The following AGBL4 variants were observed in gnomAD, a reference collection of about 807,000 sequenced individuals.
AGBL4 encodes the protein AGBL carboxypeptidase 4, also known as cytosolic carboxypeptidase 6.
In AGBL4, 58 loss-of-function variants were observed where a neutral mutation model predicts 66.4. The observed-to-expected ratio is 0.87, with a 90% CI of 0.71 to 1.09. The LOEUF is 1.09. AGBL4 is among the 50% of genes least tolerant of loss of function. AGBL4 has a pLI of 0.00. For missense variants in AGBL4, 579 were observed against 631.0 expected (o/e 0.92, Z 0.88); for synonymous variants, 234 against 222.9 (o/e 1.05, Z -0.44).
intron 3 of AGBL4, among the ~76,000 whole-genome samples, chr1:49,649,615 G>C (rs1018133306): frequency 1.8e-4 from 28 of 152,090 alleles, no homozygotes; most frequent in African/African-American, 6.7e-4. Flanking sequence ...CAATATAATG[G>C]ACCATAAATC....
At chr1:49,771,803 G>C (rs1237248245) in intron 2 of AGBL4, among the ~76,000 whole-genome samples, 4 of 151,644 alleles carry the variant, frequency 2.6e-5, no homozygotes, top group Non-Finnish European at 5.9e-5. Flanking sequence ...TATAAGTATG[G>C]CTACTCTTGC....
intron 6 of AGBL4, among the ~76,000 whole-genome samples, chr1:48,807,301 T>C (rs749484183): frequency 1.3e-5 from 2 of 152,210 alleles, no homozygotes; most frequent in Non-Finnish European, 1.5e-5. Context: ...GTTACATGAA[T>C]GCATTTGAAG....
At chr1:49,919,773 A>G (rs1184364322) in intron 1 of AGBL4, among the ~76,000 whole-genome samples, 3 of 152,196 alleles carry the variant, frequency 2.0e-5, no homozygotes, top group East Asian at 3.8e-4. Flanking sequence ...AAGAGCCCGC[A>G]TTGCCAAGAC....
intron 3 of AGBL4, among the ~76,000 whole-genome samples, chr1:49,467,826 T>TA (rs1360940198): frequency 6.6e-6 from 1 of 151,814 alleles, no homozygotes; most frequent in Admixed American, 6.6e-5. Context: ...TGCAGAAAAT[T>TA]AAAAAATAGT....
chr1:48,683,713 CA>C, intron 6 of AGBL4, among the ~76,000 whole-genome samples: 1 of 152,280 alleles, frequency 6.6e-6, no homozygotes, highest in East Asian at 1.9e-4. Flanking sequence ...CATTAACAAG[CA>C]AAAACATTAA....
intron 5 of AGBL4, among the ~76,000 whole-genome samples, chr1:48,963,575 G>C (rs1257700632): frequency 6.7e-6 from 1 of 150,014 alleles, no homozygotes; most frequent in African/African-American, 2.5e-5. Flanking sequence ...CCAGTATTCT[G>C]TATGATGTTC....
intron 3 of AGBL4, among the ~76,000 whole-genome samples, chr1:49,397,015 G>T (rs142913610): frequency 1.3e-5 from 2 of 152,032 alleles, no homozygotes; most frequent in African/African-American, 4.8e-5. Context: ...TAGATCCCTC[G>T]CATGCACAGT....
chr1:49,839,083 A>G (rs1645924929), intron 2 of AGBL4, among the ~76,000 whole-genome samples: 1 of 152,212 alleles, frequency 6.6e-6, no homozygotes, highest in Non-Finnish European at 1.5e-5. Flanking sequence ...AGAAAATACC[A>G]TCATTCTTAG....
chr1:49,635,070 GC>G (rs1335788156), intron 3 of AGBL4, among the ~76,000 whole-genome samples: 7 of 152,110 alleles, frequency 4.6e-5, no homozygotes, highest in Non-Finnish European at 7.4e-5. Flanking sequence ...CAAGAAGAAG[GC>G]CCCTGAAAGA....
chr1:49,378,301 C>A (rs1644514522), intron 3 of AGBL4, among the ~76,000 whole-genome samples: 1 of 152,016 alleles, frequency 6.6e-6, no homozygotes, highest in Non-Finnish European at 1.5e-5. Flanking sequence ...ACCAGCCTGG[C>A]CACATATTTT....
chr1:50,010,066 G>C lies in AGBL4; in HGVS notation c.34+13697C>G, dbSNP rs180926545. On this transcript the variant is annotated intron_variant, in intron 1 of 13. Coordinates refer to ENST00000371839, the MANE Select transcript of AGBL4 (RefSeq NM_032785.4). ...CTCATGCCTGTAATCCCTGCACTTT[G>C]GGAGGTGGAGGTGGGTGGATCACGA... is the stretch of plus-strand genomic sequence containing the variant. Among the ~76,000 whole-genome samples the C allele has an allele frequency of 7.7e-4, 118 of 152,278 alleles. 1 individual carries two copies. The highest frequency in any genetic ancestry group is 6.0e-3 in the Admixed American group (92 of 15,304).
chr1:49,901,216 A>G (rs1649739281), intron 1 of AGBL4, among the ~76,000 whole-genome samples: 1 of 152,196 alleles, frequency 6.6e-6, no homozygotes, highest in African/African-American at 2.4e-5. Flanking sequence ...AGAAAGAAAT[A>G]AGAGTCATCC....
intron 3 of AGBL4, among the ~76,000 whole-genome samples, chr1:49,274,303 A>G (rs1024709224): frequency 6.6e-6 from 1 of 152,170 alleles, no homozygotes; most frequent in Non-Finnish European, 1.5e-5. Context: ...AGAGTCCAAG[A>G]GAGATATATT....
intron 11 of AGBL4, among the ~76,000 whole-genome samples, chr1:48,554,061 A>G (rs1029629449): frequency 1.1e-4 from 17 of 152,208 alleles, no homozygotes; most frequent in African/African-American, 4.1e-4. Flanking sequence ...AGTCTGGGCC[A>G]TTCTGTGGGT....
At chr1:49,454,558 G>A (rs1208167669) in intron 3 of AGBL4, among the ~76,000 whole-genome samples, 1 of 151,744 alleles carries the variant, frequency 6.6e-6, no homozygotes, top group South Asian at 2.1e-4. Flanking sequence ...AACACTAAGA[G>A]AAAATTTGGG....
chr1:49,490,948 C>T (rs1425299217), intron 3 of AGBL4, among the ~76,000 whole-genome samples: 1 of 151,702 alleles, frequency 6.6e-6, no homozygotes, highest in Non-Finnish European at 1.5e-5. Context: ...TCTCTGTACT[C>T]CCCTTTCCTC....
chr1:49,879,422 C>T (rs1349133574), intron 1 of AGBL4, among the ~76,000 whole-genome samples: 2 of 148,414 alleles, frequency 1.3e-5, no homozygotes, highest in Non-Finnish European at 3.0e-5. Context: ...ACTTATGAAG[C>T]TTAGTTTGGC....
rs185828488 is a variant in AGBL4 at position 49,119,371 on chromosome 1, G to A, written c.378-73571C>T. 8.5e-5 allele frequency among the ~76,000 whole-genome samples: 13 copies of A among 152,254 alleles called. No homozygotes were observed. The East Asian group carries it at 2.1e-3, about 25-fold the overall frequency. The stretch of plus-strand genomic sequence containing the variant: ...TTTCCCTCTACACACTGCTTTAAAT[G>A]TGTTCCAGAGATTCTGGTACATTGT... On this transcript the variant is annotated intron_variant, in intron 4 of 13. Coordinates refer to ENST00000371839, the MANE Select transcript of AGBL4 (RefSeq NM_032785.4).
rs1570743975 is a variant in AGBL4, at chr1:48,818,066, G to A, written c.634+49125C>T. On this transcript the variant is annotated intron_variant, in intron 6 of 13. Transcript: ENST00000371839. ...CATATCTGATAGTCAAATTTGGAAA[G>A]GCCACCATTCTCCTTCAGAAGCAAA... is the stretch of plus-strand genomic sequence containing the variant. The A allele has an allele frequency of 5.6e-6, 4 of 714,460 alleles. No homozygotes were observed. The East Asian group carries it at 1.1e-4, about 19-fold the overall frequency. 44.3% of individuals were successfully genotyped at this position (714,460 alleles called of 1,614,324 possible).
Sources: allele counts gnomAD v4.1 joint callset (sites outside exome capture counted in the v4.1 genomes callset), GRCh38; gene constraint gnomAD v4.1.1; transcripts MANE v1.5; gene names NCBI Gene and HGNC (gene_info 2026-07-23, HGNC 2026-07-21).